Variants in OXTR observed in about 807,000 individuals in gnomAD.
The protein encoded by OXTR is oxytocin receptor.
In OXTR, 19 loss-of-function variants were observed where a neutral mutation model predicts 23.9. The ratio of observed to expected loss-of-function variants is 0.80; its 90% CI spans 0.56 to 1.17. The LOEUF (loss-of-function observed/expected upper bound fraction) is 1.17. Ranked by LOEUF, OXTR falls within the 50% of genes most tolerant of loss-of-function variation. OXTR has a pLI of 0.00. For synonymous variants in OXTR, 278 were observed against 250.5 expected (o/e 1.11, Z -1.04); for missense variants, 500 against 550.7 (o/e 0.91, Z 0.92).
the OXTR span, chr3:8,742,391 A>C: frequency 2.7e-6 from 1 of 367,354 alleles, no homozygotes; most frequent in South Asian, 2.0e-5. Context: ...GAAGAAGAAG[A>C]AAGATAATTA....
At chr3:8,766,841 T>C (rs906777013) in intron 3 of OXTR, among the ~76,000 whole-genome samples, 2 of 152,160 alleles carry the variant, frequency 1.3e-5, no homozygotes, top group Admixed American at 6.5e-5. Flanking sequence ...GAACTTAAAG[T>C]TGAAGGAGCT....
At chr3:8,742,690 G>C in the OXTR span, 1 of 321,446 alleles carries the variant, frequency 3.1e-6, no homozygotes. Flanking sequence ...TAGTGTGCCT[G>C]GGCAAAGTGG....
chr3:8,762,980 G>A (rs1708522137), intron 3 of OXTR, among the ~76,000 whole-genome samples: 2 of 152,210 alleles, frequency 1.3e-5, no homozygotes, highest in African/African-American at 4.8e-5. Flanking sequence ...CACTGGTTGA[G>A]CTATCAATGA....
At chr3:8,742,462 T>C in the OXTR span, 1 of 456,404 alleles carries the variant, frequency 2.2e-6, no homozygotes, top group Non-Finnish European at 4.4e-6. Context: ...TACTTACTAC[T>C]GTAAGGAAAG....
rs1708291750 is a variant in OXTR at position 8,752,856 on chromosome 3, G to A, written c.*121C>T. ...TCCACCCCACTGAAGCCACCCCAAGGAGGGGAGGGATACAAACTGATAGGT... is the reference window on the plus strand; with the variant it reads ...TCCACCCCACTGAAGCCACCCCAAGAAGGGGAGGGATACAAACTGATAGGT... On this transcript the variant is annotated 3_prime_UTR_variant, in exon 4 of 4. Coordinates refer to ENST00000316793, the MANE Select transcript of OXTR (RefSeq NM_000916.4). The A allele has an allele frequency of 1.1e-5, 12 of 1,100,994 alleles. No homozygotes were observed. Among genetic ancestry groups the A allele is most frequent in the Non-Finnish European group, 1.1e-5 (9 of 792,934 alleles). The allele number at this position is 1,100,994 out of a possible 1,614,324, so 68.2% of individuals were successfully genotyped here.
intron 3 of OXTR, among the ~76,000 whole-genome samples, chr3:8,753,609 C>G (rs113200621): frequency 6.6e-6 from 1 of 152,150 alleles, no homozygotes; most frequent in African/African-American, 2.4e-5. Flanking sequence ...AGCACAGTAC[C>G]CAAAAGCTGC....
the OXTR span, chr3:8,742,331 A>G: frequency 3.5e-6 from 1 of 284,528 alleles, no homozygotes. Context: ...AATAATTCAA[A>G]TGTTAGCACC....
rs1455215932 is a variant in OXTR at position 8,752,734 on chromosome 3, G to A, written c.*243C>T. On this transcript the variant is annotated 3_prime_UTR_variant, in exon 4 of 4. Coordinates refer to ENST00000316793, the MANE Select transcript of OXTR (RefSeq NM_000916.4). ...AAAAAACAAGCCACTCACTGCCCAG[G>A]GCAGCAGTGGGTTCAGGGTGGTAGA... is the stretch of plus-strand genomic sequence containing the variant. The A allele has an allele frequency of 2.0e-6, 1 of 502,164 alleles. No homozygotes were observed. The highest frequency in any genetic ancestry group is 1.9e-5 in the African/African-American group (1 of 52,310). 31.1% of individuals were successfully genotyped at this position (502,164 alleles called of 1,614,324 possible). A position where few individuals can be genotyped will look rare whatever the true frequency, so the allele number is the denominator to read the frequency against.
chr3:8,746,126 G>C (rs1708154278), downstream of OXTR: 1 of 476,584 alleles, frequency 2.1e-6, no homozygotes, highest in African/African-American at 1.9e-5. Context: ...CCAAGAGGCA[G>C]CTACTGCAAG....
chr3:8,757,165 T>C (rs953287118), intron 3 of OXTR, among the ~76,000 whole-genome samples: 9 of 151,886 alleles, frequency 5.9e-5, no homozygotes, highest in Admixed American at 3.3e-4. Flanking sequence ...AGTTTCCTTA[T>C]CTGTAGCATG....
chr3:8,768,618 A>C lies in OXTR; in HGVS notation c.-238-27T>G, dbSNP rs199951503. ...TGGGGGAGAAGGGAGGGTCAAAATC[A>C]GCAACGTTCCTCCGGGAGTGGGAAT... On this transcript the variant is annotated intron_variant, in intron 1 of 3. Coordinates refer to ENST00000316793, the MANE Select transcript of OXTR (RefSeq NM_000916.4). This position sits in a 1 kb window ranked among gnomAD's most constrained non-coding sequence, Gnocchi z 5.4. The C allele has an allele frequency of 1.3e-3, 210 of 162,180 alleles. 2 individuals are homozygous for C. Among genetic ancestry groups the C allele is most frequent in the Non-Finnish European group, 2.3e-3 (174 of 75,138 alleles). The allele number at this position is 162,180 out of a possible 1,614,324, so 10.0% of individuals were successfully genotyped here. A position where few individuals can be genotyped will look rare whatever the true frequency, so the allele number is the denominator to read the frequency against.
At chr3:8,746,005 T>C, downstream of OXTR, 1 of 665,528 alleles carries the variant, frequency 1.5e-6, no homozygotes, top group East Asian at 2.7e-5. Context: ...GCACACGGTG[T>C]AGGGAAGCCA....
At chr3:8,749,946 G>C (rs1426027025), downstream of OXTR, among the ~76,000 whole-genome samples, 1 of 152,160 alleles carries the variant, frequency 6.6e-6, no homozygotes, top group African/African-American at 2.4e-5. Context: ...ATCTCAGTAA[G>C]TACAAAAATG....
chr3:8,743,441 T>A, the OXTR span, among the ~76,000 whole-genome samples: 41 of 152,084 alleles, frequency 2.7e-4, 1 homozygote, highest in Middle Eastern at 3.4e-3. Flanking sequence ...AGAAGTAACA[T>A]CCTTCCTGAG....
Position 8,756,477 on chromosome 3 carries a change from A to G in OXTR, c.923-3253T>C, listed in dbSNP as rs536606514. The stretch of plus-strand genomic sequence containing the variant: ...ATCCTCACAGGTCAGGTTGGTTCCA[A>G]TTAGTGAATCCTGTCAGTCCCAAAG... On this transcript the variant is annotated intron_variant, in intron 3 of 3. Transcript: ENST00000316793. Among the ~76,000 whole-genome samples, 8 of 152,316 alleles carry G rather than the reference A, an allele frequency of 5.3e-5. No individual in the cohort carries two copies. The South Asian group carries it at 6.2e-4, about 12-fold the overall frequency.
chr3:8,764,968 T>C (rs1192911459), intron 3 of OXTR, among the ~76,000 whole-genome samples: 3 of 152,182 alleles, frequency 2.0e-5, no homozygotes, highest in African/African-American at 7.2e-5. Flanking sequence ...AAGTAGGACC[T>C]GAAATTCTTA....
chr3:8,745,219 G>A, the OXTR span, among the ~76,000 whole-genome samples: 4 of 152,042 alleles, frequency 2.6e-5, no homozygotes, highest in East Asian at 1.9e-4. The surrounding 1 kb of genome is among the most constrained non-coding windows in gnomAD (Gnocchi z 4.8). Context: ...CAGGGGAGAC[G>A]CCTGCTCTCC....
intron 3 of OXTR, among the ~76,000 whole-genome samples, chr3:8,763,143 G>A (rs957140786): frequency 7.2e-5 from 11 of 152,038 alleles, no homozygotes; most frequent in African/African-American, 2.7e-4. Flanking sequence ...CACCTCTCCG[G>A]CCTTAACAAG....
At position 8,760,255 on chromosome 3, in the gene OXTR, C is replaced by T. The variant is rs570528140; in HGVS notation, c.922+7011G>A. 2.6e-5 allele frequency among the ~76,000 whole-genome samples: 4 copies of T among 152,372 alleles called. No individual in the cohort carries two copies. In the South Asian group the frequency reaches 8.3e-4, roughly 32 times the overall value. ...AGCCCCACACCCGAAGTCAGCACTGCCGCTCCATCTGACACTAACCCAGCA... is the reference window on the plus strand; with the variant it reads ...AGCCCCACACCCGAAGTCAGCACTGTCGCTCCATCTGACACTAACCCAGCA... On this transcript the variant is annotated intron_variant, in intron 3 of 3. Coordinates refer to ENST00000316793, the MANE Select transcript of OXTR (RefSeq NM_000916.4).
Sources: allele counts gnomAD v4.1 joint callset (sites outside exome capture counted in the v4.1 genomes callset), GRCh38; gene constraint gnomAD v4.1.1; non-coding constraint Gnocchi (gnomAD v3.1); transcripts MANE v1.5; gene names NCBI Gene and HGNC (gene_info 2026-07-23, HGNC 2026-07-21).